Variants in KIRREL1 observed in about 807,000 individuals in gnomAD.
KIRREL1 encodes the protein kin of IRRE-like protein 1.
A neutral mutation model predicts 83.3 loss-of-function variants in KIRREL1; 25 were observed. The ratio of observed to expected loss-of-function variants is 0.30; its 90% CI spans 0.22 to 0.42. KIRREL1 has a LOEUF of 0.42. Ranked by LOEUF, KIRREL1 falls within the 10% of genes least tolerant of loss-of-function variation. The pLI is 1.00. For synonymous variants in KIRREL1, 388 were observed against 410.4 expected, an observed-to-expected ratio of 0.95 and a Z score of 0.66; for missense variants, 812 against 1,032.3, an observed-to-expected ratio of 0.79 and a Z score of 2.92.
intron 1 of KIRREL1, among the ~76,000 whole-genome samples, chr1:158,015,830 T>G (rs1411971613): frequency 6.6e-6 from 1 of 152,182 alleles, no homozygotes; most frequent in Non-Finnish European, 1.5e-5. Flanking sequence ...AATTTATTTC[T>G]CTTGTTTTTA....
At chr1:158,072,323 C>G (rs1661538222) in intron 1 of KIRREL1, among the ~76,000 whole-genome samples, 1 of 152,112 alleles carries the variant, frequency 6.6e-6, no homozygotes, top group Non-Finnish European at 1.5e-5. Flanking sequence ...CGGATTTGCT[C>G]ACTCTCACTC....
intron 1 of KIRREL1, among the ~76,000 whole-genome samples, chr1:158,023,954 C>T (rs570070220): frequency 6.6e-5 from 10 of 151,998 alleles, no homozygotes; most frequent in East Asian, 1.9e-4. Context: ...TTGTTGTTGT[C>T]GTTGTTTTCT....
In KIRREL1 at chr1:158,096,387, A is replaced by G. The variant is rs1662355862; in HGVS notation, c.*1267A>G. The G allele has an allele frequency of 2.9e-6, 1 of 346,936 alleles. No homozygotes were observed. Among genetic ancestry groups the G allele is most frequent in the Non-Finnish European group, 5.7e-6 (1 of 176,440 alleles). 21.5% of individuals were successfully genotyped at this position (346,936 alleles called of 1,614,324 possible). ...TAAGTGTCTTTTTTTTTTTTCTTGG[A>G]CCAATCAGATTCCTTCTTCCACTTT... On this transcript the variant is annotated 3_prime_UTR_variant, in exon 15 of 15. Coordinates refer to ENST00000359209, the MANE Select transcript of KIRREL1 (RefSeq NM_018240.7).
Position 158,100,091 on chromosome 1 carries a change from C to G in KIRREL1, c.*4971C>G, listed in dbSNP as rs949218708. On this transcript the variant is annotated 3_prime_UTR_variant, in exon 15 of 15. Transcript: ENST00000359209. ...AAGATATTATTTTTGTTAGGACAAA[C>G]CATTGTAGGTTTTTAGCAATGTGTA... is the stretch of plus-strand genomic sequence containing the variant. 1 of 152,010 alleles carries G rather than the reference C, an allele frequency of 6.6e-6. No individual in the cohort carries two copies. Among genetic ancestry groups the G allele is most frequent in the East Asian group, 1.9e-4 (1 of 5,200 alleles). 9.4% of individuals were successfully genotyped at this position (152,010 alleles called of 1,614,324 possible). A position where few individuals can be genotyped will look rare whatever the true frequency, so the allele number is the denominator to read the frequency against.
chr1:158,029,384 C>T (rs777979004), intron 1 of KIRREL1, among the ~76,000 whole-genome samples: 23 of 84,488 alleles, frequency 2.7e-4, no homozygotes, highest in African/African-American at 5.3e-4. Flanking sequence ...CGCGCGCATG[C>T]ACACATGCAT....
At chr1:158,025,389 T>G (rs1660139687) in intron 1 of KIRREL1, among the ~76,000 whole-genome samples, 3 of 141,772 alleles carry the variant, frequency 2.1e-5, no homozygotes, top group Admixed American at 6.9e-5. Context: ...AGGCCAGAGG[T>G]GAAGCAAAAG....
At chr1:158,001,535 G>T (rs954965379) in intron 1 of KIRREL1, among the ~76,000 whole-genome samples, 1 of 152,198 alleles carries the variant, frequency 6.6e-6, no homozygotes, top group Non-Finnish European at 1.5e-5. Context: ...CATTGGTGCC[G>T]TGATAGCAGT....
At chr1:158,039,057 A>G (rs1231656989) in intron 1 of KIRREL1, among the ~76,000 whole-genome samples, 2 of 152,196 alleles carry the variant, frequency 1.3e-5, no homozygotes, top group East Asian at 3.9e-4. Context: ...CATGCTGGGC[A>G]CGCTGGACCG....
intron 1 of KIRREL1, among the ~76,000 whole-genome samples, chr1:158,071,183 G>A (rs559842399): frequency 3.3e-5 from 5 of 152,122 alleles, no homozygotes; most frequent in Admixed American, 2.0e-4. Flanking sequence ...CTGTCGGCCC[G>A]GCCTGCGTCT....
At chr1:158,090,972 C>G (rs1662179992) in intron 10 of KIRREL1, among the ~76,000 whole-genome samples, 1 of 152,200 alleles carries the variant, frequency 6.6e-6, no homozygotes, top group African/African-American at 2.4e-5. Context: ...TCTACAACAT[C>G]TGGGAGGATT....
chr1:158,076,295 C>G, intron 2 of KIRREL1, 33 bp downstream of exon 2: 1 of 1,601,774 alleles, frequency 6.2e-7, no homozygotes, highest in African/African-American at 1.3e-5. Context: ...TCCAAACTGT[C>G]CCATCTTCTC....
At chr1:158,002,067 T>A (rs530392937) in intron 1 of KIRREL1, among the ~76,000 whole-genome samples, 1 of 152,230 alleles carries the variant, frequency 6.6e-6, no homozygotes, top group Non-Finnish European at 1.5e-5. Flanking sequence ...CAGGCAGAAG[T>A]GAGCAGAAAA....
At chr1:158,048,644 G>A (rs1365758539) in intron 1 of KIRREL1, among the ~76,000 whole-genome samples, 2 of 152,144 alleles carry the variant, frequency 1.3e-5, no homozygotes, top group African/African-American at 4.8e-5. Context: ...GAAGGAAAAG[G>A]GAACGCATAC....
chr1:158,059,106 C>G (rs1301886252), intron 1 of KIRREL1, among the ~76,000 whole-genome samples: 2 of 152,176 alleles, frequency 1.3e-5, no homozygotes, highest in African/African-American at 4.8e-5. Flanking sequence ...CAATAGAGCA[C>G]TCCTGCACCC....
chr1:158,070,636 C>T (rs1661484803), intron 1 of KIRREL1, among the ~76,000 whole-genome samples: 1 of 152,228 alleles, frequency 6.6e-6, no homozygotes, highest in South Asian at 2.1e-4. Context: ...CCCAACAATG[C>T]AGTAAGAGAA....
In KIRREL1 at chr1:158,088,137, C is replaced by T; in HGVS notation, c.899C>T (p.Thr300Ile). 1.2e-6 allele frequency: 2 copies of T among 1,614,184 alleles called. No individual in the cohort carries two copies. The highest frequency in any genetic ancestry group is 1.7e-6 in the Non-Finnish European group (2 of 1,180,038). Residue 300 changes from threonine to isoleucine, a missense_variant, in exon 7 of 15, where the codon ACT (threonine) becomes ATT (isoleucine). Transcript: ENST00000359209. ...AAAGTGGGAAGCACCAATGTCAGCACTTTAGTAAATGTCCACTGTGAGTAG... is the reference window on the plus strand; with the variant it reads ...AAAGTGGGAAGCACCAATGTCAGCATTTTAGTAAATGTCCACTGTGAGTAG... ...HNKVGSTNVS[T>I]LVNVHFAPRI...
chr1:158,016,320 G>A (rs568589936), intron 1 of KIRREL1, among the ~76,000 whole-genome samples: 77 of 151,332 alleles, frequency 5.1e-4, no homozygotes, highest in Non-Finnish European at 8.6e-4. Flanking sequence ...AAAAAAGAAA[G>A]CAAAGAAAAT....
chr1:158,092,343 G>GTTT (rs1553244395), intron 11 of KIRREL1, among the ~76,000 whole-genome samples: 2 of 108,350 alleles, frequency 1.8e-5, no homozygotes, highest in African/African-American at 7.3e-5. Context: ...CATCACTTCA[G>GTTT]TCTTTTTTTT....
Position 158,014,689 on chromosome 1 carries a change from G to C in KIRREL1, c.52+20961G>C, listed in dbSNP as rs1039673926. Among the ~76,000 whole-genome samples, 7 of 148,412 alleles carry C rather than the reference G, an allele frequency of 4.7e-5. No homozygotes were observed. In the East Asian group the frequency reaches 8.3e-4, roughly 18 times the overall value. On this transcript the variant is annotated intron_variant, in intron 1 of 14. Transcript: ENST00000359209. ...AGAAATATAGTCTTTATGGGGGGGG[G>C]GGGGCGGGGGGAAGGAGGTTTTAGT...
Sources: gnomAD v4.1 joint callset for allele counts (sites outside exome capture counted in the v4.1 genomes callset) on GRCh38, gnomAD v4.1.1 for gene constraint, MANE v1.5 for transcripts, NCBI Gene and HGNC (gene_info 2026-07-23, HGNC 2026-07-21) for gene names.